The following CACNA1E variants were observed in gnomAD, a reference collection of about 807,000 sequenced individuals.
CACNA1E encodes voltage-dependent R-type calcium channel subunit alpha-1E.
Under a neutral mutation model 259.2 loss-of-function variants are expected in CACNA1E, and 40 were observed. The ratio of observed to expected loss-of-function variants is 0.15; its 90% CI spans 0.12 to 0.20. CACNA1E has a LOEUF of 0.20. Ranked by LOEUF, CACNA1E falls within the 10% of genes least tolerant of loss-of-function variation. CACNA1E has a pLI of 1.00. For missense variants in CACNA1E, 1,874 were observed against 3,040.1 expected, an observed-to-expected ratio of 0.62 and a Z score of 9.02; for synonymous variants, 1,104 against 1,138.5, an observed-to-expected ratio of 0.97 and a Z score of 0.61.
rs149552204 is a variant in CACNA1E, at chr1:181,436,965, A to G, written c.434+23385A>G. On this transcript the variant is annotated intron_variant, in intron 2 of 11. Transcript: ENST00000524607. Reference sequence around the variant, plus strand: ...AATATATATGAAAACATCACATTAAACCCCATAAATATATACAATTATTAT... The same window carrying G: ...AATATATATGAAAACATCACATTAAGCCCCATAAATATATACAATTATTAT... Among the ~76,000 whole-genome samples, 87 of 152,282 alleles carry G rather than the reference A, an allele frequency of 5.7e-4. 2 individuals are homozygous for G. The East Asian group carries it at 0.017, about 29-fold the overall frequency.
intron 3 of CACNA1E, among the ~76,000 whole-genome samples, chr1:181,574,759 G>A (rs1161800288): frequency 6.6e-6 from 1 of 152,158 alleles, no homozygotes; most frequent in African/African-American, 2.4e-5. Flanking sequence ...AGGTATGGTG[G>A]CTCACACCTG....
At chr1:181,766,638 G>C in intron 35 of CACNA1E, 27 bp downstream of exon 35, 3 of 1,553,334 alleles carry the variant, frequency 1.9e-6, no homozygotes, top group Non-Finnish European at 2.7e-6. Context: ...AGGGCCCGGT[G>C]GGGGACAGCT....
At chr1:181,560,589 C>A (rs1006467117) in intron 3 of CACNA1E, among the ~76,000 whole-genome samples, 4 of 152,154 alleles carry the variant, frequency 2.6e-5, no homozygotes, top group Non-Finnish European at 5.9e-5. Flanking sequence ...TTTGCTCAAC[C>A]ATTCCCCTAC....
intron 1 of CACNA1E, among the ~76,000 whole-genome samples, chr1:181,366,228 T>C (rs1027265057): frequency 1.3e-5 from 2 of 152,204 alleles, no homozygotes; most frequent in African/African-American, 4.8e-5. Context: ...CTCTCACACA[T>C]GACCTCTGTG....
intron 7 of CACNA1E, among the ~76,000 whole-genome samples, chr1:181,677,174 G>A (rs1349443176): frequency 2.6e-5 from 4 of 151,978 alleles, no homozygotes; most frequent in African/African-American, 4.8e-5. Context: ...AAATTCTGGG[G>A]TATACACTCA....
At chr1:181,417,814 A>AG (rs1658388482) in intron 2 of CACNA1E, among the ~76,000 whole-genome samples, 1 of 152,198 alleles carries the variant, frequency 6.6e-6, no homozygotes, top group Non-Finnish European at 1.5e-5. Context: ...AGGCATGTAC[A>AG]GGCTCCATCC....
intron 2 of CACNA1E, among the ~76,000 whole-genome samples, chr1:181,456,203 T>C (rs927424524): frequency 6.6e-6 from 1 of 151,920 alleles, no homozygotes; most frequent in Non-Finnish European, 1.5e-5. Flanking sequence ...AGGAGGAAAC[T>C]GAAAAGAGTT....
At position 181,540,281 on chromosome 1, in the gene CACNA1E, C is replaced by A. The variant is rs563786824; in HGVS notation, c.512+28771C>A. ...TGTATCCTCATCTCCCAAACCGTGGCACAGGGCTGATTCCCCTGTGTTTAC... is the reference window on the plus strand; with the variant it reads ...TGTATCCTCATCTCCCAAACCGTGGAACAGGGCTGATTCCCCTGTGTTTAC... On this transcript the variant is annotated intron_variant, in intron 3 of 47. Coordinates refer to ENST00000367573, the MANE Select transcript of CACNA1E (RefSeq NM_001205293.3). Among the ~76,000 whole-genome samples the A allele has an allele frequency of 2.0e-5, 3 of 152,324 alleles. No homozygotes were observed. In the East Asian group the frequency reaches 5.8e-4, roughly 29 times the overall value.
intron 3 of CACNA1E, among the ~76,000 whole-genome samples, chr1:181,556,248 G>C (rs571180056): frequency 1.3e-5 from 2 of 152,236 alleles, no homozygotes; most frequent in Admixed American, 1.3e-4. Flanking sequence ...GGTCCCTCTG[G>C]GGTGGATGGG....
intron 3 of CACNA1E, among the ~76,000 whole-genome samples, chr1:181,548,048 A>G (rs1240874478): frequency 2.0e-5 from 3 of 151,930 alleles, no homozygotes; most frequent in African/African-American, 4.8e-5. Flanking sequence ...CTTTGCCTTA[A>G]TTTTCTATCT....
Position 181,497,804 on chromosome 1 carries a change from G to A in CACNA1E, c.267-12673G>A, listed in dbSNP as rs16857428. On this transcript the variant is annotated intron_variant, in intron 1 of 47. Transcript: ENST00000367573. ...ACTTGCATGCATCTGCAGCATCACT[G>A]GGTATGAGGCTAACTCATGAAGGAG... 8.9e-3 allele frequency among the ~76,000 whole-genome samples: 1,356 copies of A among 152,284 alleles called. 17 individuals are homozygous for A. The highest frequency in any genetic ancestry group is 0.03 in the African/African-American group (1,263 of 41,548).
rs778437904 is a variant in CACNA1E, at chr1:181,796,741, T to C, written c.6282T>C (p.Ser2094=). 6 of 1,613,396 alleles carry C rather than the reference T, an allele frequency of 3.7e-6. No homozygotes were observed. The African/African-American group carries it at 6.7e-5, about 18-fold the overall frequency. The change falls in exon 47 of 48, where the codon TCT becomes TCC. Residue 2094 remains serine, a synonymous_variant. Transcript: ENST00000367573. The part of the protein sequence containing the change: ...GRSKERKHLL[S]PDVSRCNSEE... ...CAAAAGAGCGAAAGCATCTTCTCTCTCCTGATGTCTCCCGCTGCAATTCAG... is the reference window on the plus strand; with the variant it reads ...CAAAAGAGCGAAAGCATCTTCTCTCCCCTGATGTCTCCCGCTGCAATTCAG...
At chr1:181,711,938 G>T (rs887384783) in intron 8 of CACNA1E, among the ~76,000 whole-genome samples, 3 of 152,142 alleles carry the variant, frequency 2.0e-5, no homozygotes, top group Admixed American at 1.3e-4. Flanking sequence ...GGACTGACGT[G>T]CTGGCCGCAT....
In CACNA1E at chr1:181,322,257, A is replaced by G. The variant is rs896617017; in HGVS notation, c.-15+4134A>G. 9.2e-5 allele frequency among the ~76,000 whole-genome samples: 14 copies of G among 152,236 alleles called. 1 individual carries two copies. The East Asian group carries it at 2.5e-3, about 27-fold the overall frequency. On this transcript the variant is annotated intron_variant, in intron 1 of 11. Coordinates refer to the CACNA1E transcript ENST00000524607. The stretch of plus-strand genomic sequence containing the variant: ...TACAATAGTATACTAACAACCATCT[A>G]CAATATGCCCTGAATGATTATCTGA...
At chr1:181,696,290 G>C (rs1651699371) in intron 7 of CACNA1E, among the ~76,000 whole-genome samples, 1 of 150,628 alleles carries the variant, frequency 6.6e-6, no homozygotes, top group Admixed American at 6.6e-5. Flanking sequence ...TATCATGCTT[G>C]TCAATCTAGC....
chr1:181,769,244 A>G (rs931968800), intron 35 of CACNA1E, among the ~76,000 whole-genome samples: 1 of 151,990 alleles, frequency 6.6e-6, no homozygotes, highest in African/African-American at 2.4e-5. Flanking sequence ...ATGGATTTAA[A>G]TCTATACTCT....
At chr1:181,761,558 G>A (rs932734416) in intron 32 of CACNA1E, among the ~76,000 whole-genome samples, 1 of 152,184 alleles carries the variant, frequency 6.6e-6, no homozygotes, top group African/African-American at 2.4e-5. Context: ...CCATTGTCCT[G>A]TGATGTTGCT....
At chr1:181,792,434 T>C (rs1240882710) in intron 44 of CACNA1E, among the ~76,000 whole-genome samples, 2 of 152,256 alleles carry the variant, frequency 1.3e-5, no homozygotes, top group African/African-American at 4.8e-5. Flanking sequence ...TGTGTGCATA[T>C]GGAGTGTGTG....
intron 38 of CACNA1E, among the ~76,000 whole-genome samples, chr1:181,778,148 G>T (rs1049259916): frequency 6.6e-6 from 1 of 152,322 alleles, no homozygotes; most frequent in East Asian, 1.9e-4. Context: ...ATTCTAGTTA[G>T]TTAGAGTTTG....
Sources: allele counts gnomAD v4.1 joint callset (sites outside exome capture counted in the v4.1 genomes callset), GRCh38; gene constraint gnomAD v4.1.1; transcripts MANE v1.5; gene names NCBI Gene and HGNC (gene_info 2026-07-23, HGNC 2026-07-21).